Variants in MAGI2 observed in about 807,000 individuals in gnomAD.
The protein encoded by MAGI2 is membrane associated guanylate kinase, WW and PDZ domain containing 2.
In MAGI2, 35 loss-of-function variants were observed where a neutral mutation model predicts 133.3. The observed-to-expected ratio is 0.26, with a 90% CI of 0.20 to 0.35. The LOEUF is 0.35. MAGI2 is among the 10% of genes least tolerant of loss of function. MAGI2 has a pLI of 1.00. For synonymous variants in MAGI2, 729 were observed against 710.6 expected (o/e 1.03, Z -0.41); for missense variants, 1,636 against 1,863.4 (o/e 0.88, Z 2.25).
intron 16 of MAGI2, among the ~76,000 whole-genome samples, chr7:78,146,709 C>T (rs1823343036): frequency 1.3e-5 from 2 of 152,188 alleles, no homozygotes; most frequent in South Asian, 4.1e-4. Flanking sequence ...GTACTTGGCT[C>T]TGAGTAACTT....
intron 21 of MAGI2, among the ~76,000 whole-genome samples, chr7:78,068,351 G>T (rs904994968): frequency 6.6e-6 from 1 of 152,170 alleles, no homozygotes; most frequent in South Asian, 2.1e-4. Context: ...AACAGACCAT[G>T]GACCAGTCAG....
At chr7:78,705,513 C>G (rs1818554672) in intron 2 of MAGI2, among the ~76,000 whole-genome samples, 1 of 152,016 alleles carries the variant, frequency 6.6e-6, no homozygotes, top group Non-Finnish European at 1.5e-5. Context: ...AATCTAAAGC[C>G]AGATAACCAC....
intron 20 of MAGI2, among the ~76,000 whole-genome samples, chr7:78,116,739 G>A (rs556041725): frequency 6.6e-6 from 1 of 152,080 alleles, no homozygotes; most frequent in African/African-American, 2.4e-5. Context: ...TCAGCCAGGT[G>A]TGGTGGTGCA....
intron 1 of MAGI2, among the ~76,000 whole-genome samples, chr7:79,014,162 T>C (rs1808454758): frequency 6.6e-6 from 1 of 152,216 alleles, no homozygotes; most frequent in African/African-American, 2.4e-5. Context: ...AAATGGTTTA[T>C]AATATTCTCT....
intron 9 of MAGI2, among the ~76,000 whole-genome samples, chr7:78,266,815 G>A (rs781200566): frequency 2.0e-5 from 3 of 151,946 alleles, no homozygotes; most frequent in Admixed American, 6.6e-5. Context: ...CTCGTGATCC[G>A]CCCACCTTGG....
chr7:79,018,413 G>A (rs1356043373), intron 1 of MAGI2, among the ~76,000 whole-genome samples: 2 of 152,114 alleles, frequency 1.3e-5, no homozygotes, highest in Non-Finnish European at 2.9e-5. Context: ...GTTATGAAAA[G>A]GACAAACTGT....
intron 3 of MAGI2, among the ~76,000 whole-genome samples, chr7:78,543,075 C>T (rs1272301049): frequency 6.6e-6 from 1 of 152,148 alleles, no homozygotes; most frequent in Non-Finnish European, 1.5e-5. Flanking sequence ...AAAACCAATT[C>T]AACTAGAGAC....
chr7:79,168,897 T>C (rs1350647822), intron 1 of MAGI2, among the ~76,000 whole-genome samples: 5 of 7,870 alleles, frequency 6.4e-4, no homozygotes, highest in Non-Finnish European at 1.6e-3. Flanking sequence ...TAGATATATA[T>C]ATATATATAT....
intron 6 of MAGI2, among the ~76,000 whole-genome samples, chr7:78,409,392 A>C (rs1294378657): frequency 2.6e-5 from 4 of 152,104 alleles, no homozygotes; most frequent in African/African-American, 9.7e-5. Flanking sequence ...AACTTGCCTA[A>C]ACTCACACAG....
intron 2 of MAGI2, among the ~76,000 whole-genome samples, chr7:78,897,646 G>A (rs879567112): frequency 7.9e-5 from 12 of 152,064 alleles, no homozygotes; most frequent in Admixed American, 5.9e-4. Flanking sequence ...ATTTTAAAAT[G>A]TTTTTTTCTA....
chr7:78,492,582 G>A (rs941549042), intron 5 of MAGI2, among the ~76,000 whole-genome samples: 4 of 152,074 alleles, frequency 2.6e-5, no homozygotes, highest in East Asian at 3.9e-4. Context: ...TTTGAAAACC[G>A]AATTAAATGT....
intron 2 of MAGI2, among the ~76,000 whole-genome samples, chr7:78,944,127 C>T (rs116772545): frequency 0.011 from 1,644 of 152,262 alleles, 21 homozygotes; most frequent in African/African-American, 0.03. Context: ...AGCCACAGAA[C>T]TTAGACAATA....
At chr7:79,225,538 AT>A (rs1205274266) in intron 1 of MAGI2, among the ~76,000 whole-genome samples, 21 of 152,178 alleles carry the variant, frequency 1.4e-4, no homozygotes, top group Admixed American at 1.4e-3. Context: ...TATTTGACAT[AT>A]GTTTTGCTGG....
intron 1 of MAGI2, among the ~76,000 whole-genome samples, chr7:79,186,294 T>C (rs1204950146): frequency 7.2e-6 from 1 of 139,630 alleles, no homozygotes; most frequent in Non-Finnish European, 1.5e-5. Context: ...ATATATAAAG[T>C]TTAATGAGCG....
At chr7:78,854,598 G>C (rs962407322) in intron 2 of MAGI2, among the ~76,000 whole-genome samples, 4 of 151,358 alleles carry the variant, frequency 2.6e-5, no homozygotes, top group African/African-American at 9.7e-5. Context: ...CAGTTCCTTA[G>C]TAAAGTCTTT....
At chr7:78,640,202 T>A (rs935530567) in intron 2 of MAGI2, among the ~76,000 whole-genome samples, 8 of 152,278 alleles carry the variant, frequency 5.3e-5, no homozygotes, top group South Asian at 4.1e-4. Flanking sequence ...TATAAAGGAA[T>A]GTGTATTGTG....
intron 1 of MAGI2, among the ~76,000 whole-genome samples, chr7:79,209,766 T>A (rs1396813501): frequency 6.6e-6 from 1 of 152,068 alleles, no homozygotes. Context: ...GCATATTATT[T>A]TGTGTGTCAC....
At chr7:78,495,273 C>T (rs1793983273) in intron 5 of MAGI2, among the ~76,000 whole-genome samples, 1 of 152,126 alleles carries the variant, frequency 6.6e-6, no homozygotes, top group South Asian at 2.1e-4. Flanking sequence ...GGCCCCTATC[C>T]CCCAACAGGC....
intron 1 of MAGI2, among the ~76,000 whole-genome samples, chr7:79,152,500 G>T (rs554184462): frequency 6.6e-6 from 1 of 152,304 alleles, no homozygotes; most frequent in South Asian, 2.1e-4. Context: ...AATTATGCAA[G>T]TAAGTGCTAT....
Sources: gnomAD v4.1 joint callset for allele counts (sites outside exome capture counted in the v4.1 genomes callset) on GRCh38, gnomAD v4.1.1 for gene constraint, MANE v1.5 for transcripts, NCBI Gene and HGNC (gene_info 2026-07-23, HGNC 2026-07-21) for gene names.